ADGRL2: variants seen among roughly 807,000 people sequenced by gnomAD.
ADGRL2 encodes calcium-independent alpha-latrotoxin receptor 2.
Under a neutral mutation model 157.4 loss-of-function variants are expected in ADGRL2, and 44 were observed. That is an observed-to-expected ratio of 0.28 (90% confidence interval 0.22 to 0.36). The LOEUF (loss-of-function observed/expected upper bound fraction) is 0.36, where lower values mean the gene tolerates loss of function less well. Among genes scored for constraint, ADGRL2 ranks in the 10% least tolerant of loss-of-function variants. The pLI is 1.00. For synonymous variants in ADGRL2, 585 were observed against 624.7 expected, an observed-to-expected ratio of 0.94 and a Z score of 0.95; for missense variants, 1,510 against 1,768.9, an observed-to-expected ratio of 0.85 and a Z score of 2.63.
intron 2 of ADGRL2, among the ~76,000 whole-genome samples, chr1:81,474,741 A>C (rs1223504380): frequency 2.0e-5 from 3 of 152,304 alleles, no homozygotes; most frequent in Non-Finnish European, 2.9e-5. Flanking sequence ...CCAGTGCTTT[A>C]GAGTTATTGA....
At chr1:81,716,281 T>A (rs1460465334) in intron 1 of ADGRL2, among the ~76,000 whole-genome samples, 5 of 152,170 alleles carry the variant, frequency 3.3e-5, no homozygotes. Flanking sequence ...CTATAGACTT[T>A]GCATGACCTT....
intron 3 of ADGRL2, among the ~76,000 whole-genome samples, chr1:81,656,706 A>G (rs537084069): frequency 2.1e-4 from 32 of 152,236 alleles, no homozygotes; most frequent in Admixed American, 4.6e-4. Flanking sequence ...CACTTACCAT[A>G]TATGATTTTA....
chr1:81,481,358 A>G (rs1442575928), intron 2 of ADGRL2, among the ~76,000 whole-genome samples: 3 of 152,200 alleles, frequency 2.0e-5, no homozygotes, highest in African/African-American at 7.2e-5. Context: ...TGATTCCAGA[A>G]AGACAGAAAG....
chr1:81,575,751 T>C (rs2148515464), intron 2 of ADGRL2, among the ~76,000 whole-genome samples: 1 of 152,258 alleles, frequency 6.6e-6, no homozygotes, highest in African/African-American at 2.4e-5. Context: ...TAATATAAGA[T>C]GTTCTGTTCT....
At chr1:81,603,505 G>A (rs1252517569) in intron 3 of ADGRL2, among the ~76,000 whole-genome samples, 1 of 152,124 alleles carries the variant, frequency 6.6e-6, no homozygotes, top group African/African-American at 2.4e-5. Flanking sequence ...TCAATGCCCA[G>A]GCTGACCTAC....
At chr1:81,959,215 CATT>C (rs1237029031) in intron 11 of ADGRL2, among the ~76,000 whole-genome samples, 1 of 152,118 alleles carries the variant, frequency 6.6e-6, no homozygotes, top group Non-Finnish European at 1.5e-5. Flanking sequence ...GGAGGCATCT[CATT>C]GTGGATTTAT....
intron 1 of ADGRL2, among the ~76,000 whole-genome samples, chr1:81,409,337 T>C (rs1040431464): frequency 2.8e-4 from 43 of 152,232 alleles, no homozygotes; most frequent in African/African-American, 1.0e-3. Flanking sequence ...ATCTGTTGAA[T>C]AAATGGTTTT....
At chr1:81,832,403 A>G (rs1285950627) in intron 1 of ADGRL2, among the ~76,000 whole-genome samples, 1 of 152,142 alleles carries the variant, frequency 6.6e-6, no homozygotes, top group Non-Finnish European at 1.5e-5. Flanking sequence ...TTGGCCTCCC[A>G]AAGTTCTGGG....
intron 1 of ADGRL2, among the ~76,000 whole-genome samples, chr1:81,806,082 T>C (rs1466735784): frequency 6.6e-6 from 1 of 152,030 alleles, no homozygotes; most frequent in African/African-American, 2.4e-5. Context: ...AATTTAGAAA[T>C]GGAGATAGCT....
chr1:81,546,418 T>G, intron 2 of ADGRL2, among the ~76,000 whole-genome samples: 1 of 152,220 alleles, frequency 6.6e-6, no homozygotes, highest in East Asian at 1.9e-4. Context: ...TCTAAAGAGT[T>G]ATTAGTCAAA....
chr1:81,589,792 C>A (rs1374169272), intron 3 of ADGRL2, among the ~76,000 whole-genome samples: 2 of 152,102 alleles, frequency 1.3e-5, no homozygotes, highest in African/African-American at 4.8e-5. Context: ...TAAAGACTTC[C>A]ACTTTGATAG....
intron 1 of ADGRL2, among the ~76,000 whole-genome samples, chr1:81,729,360 T>A (rs1429257645): frequency 1.3e-5 from 2 of 152,176 alleles, no homozygotes; most frequent in Non-Finnish European, 2.9e-5. Flanking sequence ...TATTTCTAGT[T>A]ATTTTTAACT....
Position 81,956,035 on chromosome 1 carries a change from G to T in ADGRL2, c.1992G>T (p.Arg664Ser), listed in dbSNP as rs2149137871. 1.2e-6 allele frequency: 2 copies of T among 1,600,264 alleles called. No individual in the cohort carries two copies. Among genetic ancestry groups the T allele is most frequent in the Non-Finnish European group, 1.7e-6 (2 of 1,175,044 alleles). The change falls in exon 11 of 24, where the codon AGG (arginine) becomes AGT (serine). Residue 664 changes from arginine to serine, a missense_variant. Physicochemically the swap from Arg to Ser is moderately radical, Grantham distance 110. Transcript: ENST00000686636. The part of the protein sequence containing the change: ...VLADNLLEPT[R>S]VSMPTENIVL... ...CTGACAATCTTTTAGAACCAACAAGGGTCTCAATGCCCACAGAAAATATTG... is the reference window on the plus strand; with the variant it reads ...CTGACAATCTTTTAGAACCAACAAGTGTCTCAATGCCCACAGAAAATATTG...
intron 2 of ADGRL2, chr1:81,503,164 A>G: frequency 6.2e-7 from 1 of 1,614,188 alleles, no homozygotes; most frequent in Non-Finnish European, 8.5e-7. Flanking sequence ...CTTTTTCAGC[A>G]TGGCACGGCA....
At chr1:81,635,383 A>C (rs2082096274) in intron 3 of ADGRL2, among the ~76,000 whole-genome samples, 1 of 152,098 alleles carries the variant, frequency 6.6e-6, no homozygotes, top group South Asian at 2.1e-4. Flanking sequence ...TCTGCCTTCG[A>C]CTTAGAAAGC....
chr1:81,912,825 A>G (rs928305251), intron 3 of ADGRL2, among the ~76,000 whole-genome samples: 42 of 152,178 alleles, frequency 2.8e-4, no homozygotes, highest in African/African-American at 9.4e-4. Context: ...GAGATAGGAG[A>G]GTTTCAAGAT....
At chr1:81,451,747 G>T (rs1361992240) in intron 2 of ADGRL2, among the ~76,000 whole-genome samples, 1 of 152,038 alleles carries the variant, frequency 6.6e-6, no homozygotes, top group African/African-American at 2.4e-5. Flanking sequence ...ATCCTATGCA[G>T]TCTTATACAC....
At chr1:81,681,068 T>A (rs970016456) in intron 3 of ADGRL2, among the ~76,000 whole-genome samples, 2 of 152,238 alleles carry the variant, frequency 1.3e-5, no homozygotes, top group African/African-American at 4.8e-5. Context: ...CCCTTTGGCC[T>A]ATAGAACAGA....
intron 3 of ADGRL2, among the ~76,000 whole-genome samples, chr1:81,609,610 C>A (rs1360359084): frequency 6.6e-6 from 1 of 152,138 alleles, no homozygotes; most frequent in Non-Finnish European, 1.5e-5. Flanking sequence ...CTTGATGGAG[C>A]ACCACCTCTC....
Sources: gnomAD v4.1 joint callset for allele counts (sites outside exome capture counted in the v4.1 genomes callset) on GRCh38, gnomAD v4.1.1 for gene constraint, MANE v1.5 for transcripts, NCBI Gene and HGNC (gene_info 2026-07-23, HGNC 2026-07-21) for gene names.